Variants in HIPK2 observed in about 807,000 individuals in gnomAD.
HIPK2 encodes the protein homeodomain-interacting protein kinase 2.
A neutral mutation model predicts 113.7 loss-of-function variants in HIPK2; 27 were observed. The ratio of observed to expected loss-of-function variants is 0.24; its 90% CI spans 0.17 to 0.33. HIPK2 has a LOEUF of 0.33. Ranked by LOEUF, HIPK2 falls within the 10% of genes least tolerant of loss-of-function variation. The pLI is 1.00. For synonymous variants in HIPK2, 631 were observed against 642.2 expected (o/e 0.98, Z 0.26); for missense variants, 1,257 against 1,588.0 (o/e 0.79, Z 3.54).
intron 1 of HIPK2, among the ~76,000 whole-genome samples, chr7:139,772,399 T>C (rs1219600577): frequency 2.0e-5 from 3 of 152,212 alleles, no homozygotes; most frequent in African/African-American, 7.2e-5. Flanking sequence ...AGAAACGTAT[T>C]TGCATTGGCA....
intron 2 of HIPK2, among the ~76,000 whole-genome samples, chr7:139,706,458 G>A (rs894020238): frequency 6.6e-6 from 1 of 152,308 alleles, no homozygotes; most frequent in South Asian, 2.1e-4. Flanking sequence ...ATGGGATGCC[G>A]CTCATATCAT....
At chr7:139,749,362 G>A (rs17177103) in intron 1 of HIPK2, among the ~76,000 whole-genome samples, 16,994 of 152,258 alleles carry the variant, frequency 0.11, 1,143 homozygotes, top group Non-Finnish European at 0.16. Context: ...AATTACCTAT[G>A]AATTCAGGCA....
Position 139,714,661 on chromosome 7 carries a change from C to T in HIPK2, c.1103+1271G>A, listed in dbSNP as rs963911600. Among the ~76,000 whole-genome samples the T allele has an allele frequency of 6.6e-6, 1 of 152,214 alleles. No individual in the cohort carries two copies. Among genetic ancestry groups the T allele is most frequent in the African/African-American group, 2.4e-5 (1 of 41,450 alleles). ...GCTTGCTTGCAAGCAGGATGGCCTC[C>T]GGGGACCCCGGTCTTCCTGCCTACG... On this transcript the variant is annotated intron_variant, in intron 2 of 14. Transcript: ENST00000406875. This position sits in a 1 kb window ranked among gnomAD's most constrained non-coding sequence, Gnocchi z 4.2.
intron 1 of HIPK2, among the ~76,000 whole-genome samples, chr7:139,721,434 A>AC (rs2116977961): frequency 6.6e-6 from 1 of 152,310 alleles, no homozygotes; most frequent in East Asian, 1.9e-4. Flanking sequence ...AGTTGAGCCC[A>AC]CAACGTATTA....
At chr7:139,616,769 G>A (rs539869101) in intron 7 of HIPK2, among the ~76,000 whole-genome samples, 1 of 152,366 alleles carries the variant, frequency 6.6e-6, no homozygotes, top group South Asian at 2.1e-4. Flanking sequence ...TCCTGGGAGG[G>A]AGGGGCTGTG....
chr7:139,590,930 G>A (rs915792510), intron 12 of HIPK2, among the ~76,000 whole-genome samples: 4 of 152,076 alleles, frequency 2.6e-5, no homozygotes, highest in South Asian at 2.1e-4. Flanking sequence ...TTGCAGCCTC[G>A]AACTCCTGGG....
In HIPK2 at chr7:139,563,649, C is replaced by T. The variant is rs1172315644; in HGVS notation, c.*9278G>A. 5.1e-6 allele frequency: 2 copies of T among 396,004 alleles called. No homozygotes were observed. Among genetic ancestry groups the T allele is most frequent in the African/African-American group, 2.1e-5 (1 of 48,578 alleles). 24.5% of individuals were successfully genotyped at this position (396,004 alleles called of 1,614,324 possible). On this transcript the variant is annotated 3_prime_UTR_variant, in exon 15 of 15. Coordinates refer to ENST00000406875, the MANE Select transcript of HIPK2 (RefSeq NM_022740.5). ...TGTAAAGGAAAAAACAGCAACACCA[C>T]CACACAAACAGGAAAGTGGGAGTAT...
At chr7:139,732,374 T>C (rs976117665) in intron 1 of HIPK2, among the ~76,000 whole-genome samples, 5 of 152,228 alleles carry the variant, frequency 3.3e-5, no homozygotes, top group Non-Finnish European at 7.3e-5. Flanking sequence ...AACAACTCCA[T>C]GGCACGGAGC....
chr7:139,637,598 G>A (rs1489203515), intron 2 of HIPK2, among the ~76,000 whole-genome samples: 1 of 152,130 alleles, frequency 6.6e-6, no homozygotes, highest in East Asian at 1.9e-4. Context: ...TTCATATAGG[G>A]TGCCATAAAT....
intron 2 of HIPK2, among the ~76,000 whole-genome samples, chr7:139,706,281 G>A (rs559919451): frequency 1.2e-4 from 18 of 152,330 alleles, no homozygotes; most frequent in African/African-American, 3.6e-4. Flanking sequence ...AGATGTGTAC[G>A]TTCCCCAAGA....
Position 139,613,271 on chromosome 7 carries a change from A to G in HIPK2, c.2043T>C (p.Asn681=). The G allele has an allele frequency of 6.2e-7, 1 of 1,613,774 alleles. No individual in the cohort carries two copies. Among genetic ancestry groups the G allele is most frequent in the Non-Finnish European group, 8.5e-7 (1 of 1,179,824 alleles). Residue 681 remains asparagine, a synonymous_variant, in exon 9 of 15, where the codon AAT becomes AAC. Coordinates refer to ENST00000406875, the MANE Select transcript of HIPK2 (RefSeq NM_022740.5). The surrounding 1 kb of genome is among the most constrained non-coding windows in gnomAD (Gnocchi z 4.2). ...GGGCTTGAGTGACGATGGGAACTGCATTTTCCATTCGCACCGAGTAGCCAG... is the reference window on the plus strand; with the variant it reads ...GGGCTTGAGTGACGATGGGAACTGCGTTTTCCATTCGCACCGAGTAGCCAG... The part of the protein sequence containing the change: ...KHAGYSVRME[N]AVPIVTQAPG...
intron 2 of HIPK2, among the ~76,000 whole-genome samples, chr7:139,663,868 A>G (rs961385968): frequency 3.3e-5 from 5 of 152,168 alleles, no homozygotes; most frequent in African/African-American, 7.2e-5. Flanking sequence ...CCCGAAGCCC[A>G]CCCATAATGC....
At position 139,668,986 on chromosome 7, in the gene HIPK2, T is replaced by A. The variant is rs548538522; in HGVS notation, c.1104-37261A>T. 8.5e-5 allele frequency among the ~76,000 whole-genome samples: 13 copies of A among 152,360 alleles called. No homozygotes were observed. In the South Asian group the frequency reaches 2.7e-3, roughly 32 times the overall value. The stretch of plus-strand genomic sequence containing the variant: ...CCATGAAAGAATTCACGTGGAAGGA[T>A]CACTTTAACCTGTGCCTTATATAAT... On this transcript the variant is annotated intron_variant, in intron 2 of 14. Coordinates refer to ENST00000406875, the MANE Select transcript of HIPK2 (RefSeq NM_022740.5).
At position 139,602,579 on chromosome 7, in the gene HIPK2, A is replaced by T. The variant is rs151080121; in HGVS notation, c.2255+1502T>A. Among the ~76,000 whole-genome samples, 349 of 152,256 alleles carry T rather than the reference A, an allele frequency of 2.3e-3. 2 individuals are homozygous for T. The highest frequency in any genetic ancestry group is 4.6e-3 in the Non-Finnish European group (311 of 68,016). On this transcript the variant is annotated intron_variant, in intron 10 of 14. Coordinates refer to ENST00000406875, the MANE Select transcript of HIPK2 (RefSeq NM_022740.5). ...ATGCTGAAAGACAAAAGGGAAAAAAAGGAATATGTCATGTGTGTGGTCTTT... is the reference window on the plus strand; with the variant it reads ...ATGCTGAAAGACAAAAGGGAAAAAATGGAATATGTCATGTGTGTGGTCTTT...
chr7:139,682,721 T>C (rs537394473), intron 2 of HIPK2, among the ~76,000 whole-genome samples: 11 of 152,342 alleles, frequency 7.2e-5, no homozygotes, highest in Admixed American at 2.0e-4. Context: ...TCTGAGTCAA[T>C]GGCAATCTCC....
intron 10 of HIPK2, among the ~76,000 whole-genome samples, chr7:139,602,869 C>G (rs1165968950): frequency 6.6e-6 from 1 of 152,220 alleles, no homozygotes; most frequent in Non-Finnish European, 1.5e-5. Context: ...TTACTATCCC[C>G]ACTTTATTGA....
At chr7:139,641,221 C>T (rs1420599970) in intron 2 of HIPK2, among the ~76,000 whole-genome samples, 2 of 152,080 alleles carry the variant, frequency 1.3e-5, no homozygotes, top group East Asian at 3.9e-4. Flanking sequence ...AAAAATTAGC[C>T]GGACATGGTG....
intron 2 of HIPK2, among the ~76,000 whole-genome samples, chr7:139,654,122 C>T (rs1447609322): frequency 1.3e-5 from 2 of 152,214 alleles, no homozygotes; most frequent in Admixed American, 1.3e-4. Flanking sequence ...CTCAATGACA[C>T]AGGGGCTGCC....
chr7:139,776,665 T>G (rs1307758325), intron 1 of HIPK2, among the ~76,000 whole-genome samples: 5 of 152,150 alleles, frequency 3.3e-5, no homozygotes, highest in Admixed American at 3.3e-4. Context: ...AATGATTTCA[T>G]GAGACAAACA....
Sources: allele counts gnomAD v4.1 joint callset (sites outside exome capture counted in the v4.1 genomes callset), GRCh38; gene constraint gnomAD v4.1.1; non-coding constraint Gnocchi (gnomAD v3.1); transcripts MANE v1.5; gene names NCBI Gene and HGNC (gene_info 2026-07-23, HGNC 2026-07-21).